CD38: variants seen among roughly 807,000 people sequenced by gnomAD.
CD38 encodes the protein ADP-ribosyl cyclase/cyclic ADP-ribose hydrolase 1.
CD38 carries 31 observed loss-of-function variants against 36.3 expected under a neutral mutation model. The ratio of observed to expected loss-of-function variants is 0.85; its 90% confidence interval spans 0.64 to 1.15. CD38 has a LOEUF of 1.15. Among genes scored for constraint, CD38 ranks in the 50% most tolerant of loss-of-function variants. The pLI, the probability that CD38 is intolerant of heterozygous loss-of-function variation, is 0.00. For synonymous variants in CD38, 131 were observed against 135.2 expected (o/e 0.97, Z 0.22); for missense variants, 380 against 371.9 (o/e 1.02, Z -0.18).
At chr4:15,791,186 C>G (rs1402520730) in intron 1 of CD38, among the ~76,000 whole-genome samples, 1,183 of 80,588 alleles carry the variant, frequency 0.015, no homozygotes, top group African/African-American at 0.022. Flanking sequence ...GGGGGTCAGC[C>G]CCCCGCCCGG....
At chr4:15,830,245 T>A (rs1375556565) in intron 3 of CD38, among the ~76,000 whole-genome samples, 1 of 152,164 alleles carries the variant, frequency 6.6e-6, no homozygotes, top group South Asian at 2.1e-4. Flanking sequence ...CACATCCTCA[T>A]CATTATTTGT....
At chr4:15,831,705 T>C (rs1723962832) in intron 3 of CD38, among the ~76,000 whole-genome samples, 2 of 152,206 alleles carry the variant, frequency 1.3e-5, no homozygotes, top group South Asian at 4.1e-4. Flanking sequence ...TTGCTGCTTT[T>C]AGGATCCTTT....
intron 1 of CD38, among the ~76,000 whole-genome samples, chr4:15,792,426 A>T (rs1723020335): frequency 6.8e-6 from 1 of 146,228 alleles, no homozygotes. Context: ...ATCAATAAAA[A>T]TAAAATAAAA....
chr4:15,778,979 C>T lies in CD38; in HGVS notation c.233+332C>T, dbSNP rs561866897. Among the ~76,000 whole-genome samples, 2 of 152,326 alleles carry T rather than the reference C, an allele frequency of 1.3e-5. No homozygotes were observed. Among genetic ancestry groups the T allele is most frequent in the East Asian group, 1.9e-4 (1 of 5,170 alleles). On this transcript the variant is annotated intron_variant, in intron 1 of 7. Coordinates refer to ENST00000226279, the MANE Select transcript of CD38 (RefSeq NM_001775.4). The surrounding 1 kb of genome is among the most constrained non-coding windows in gnomAD (Gnocchi z 4.9). ...CCCTCGCCGGGCTGCAGCCCACCCT[C>T]GGCGCGCTCAGCCCGCTTCACCGCT... is the stretch of plus-strand genomic sequence containing the variant.
Position 15,834,230 on chromosome 4 carries a change from A to G in CD38, c.513A>G (p.Gln171=), listed in dbSNP as rs373335717. Residue 171 remains glutamine, a synonymous_variant, in exon 4 of 8, where the codon CAA becomes CAG. Coordinates refer to ENST00000226279, the MANE Select transcript of CD38 (RefSeq NM_001775.4). ...TATGTCTTTTAGAAATAAACTATCA[A>G]TCTTGCCCAGACTGGAGAAAGGACT... ...GEFNTSKINY[Q]SCPDWRKDCS... 24 of 1,607,732 alleles carry G rather than the reference A, an allele frequency of 1.5e-5. No individual in the cohort carries two copies. Among genetic ancestry groups the G allele is most frequent in the Non-Finnish European group, 1.8e-5 (21 of 1,174,344 alleles).
At chr4:15,801,924 T>C (rs1291652695) in intron 1 of CD38, among the ~76,000 whole-genome samples, 1 of 152,174 alleles carries the variant, frequency 6.6e-6, no homozygotes, top group African/African-American at 2.4e-5. Flanking sequence ...TGATTCCACA[T>C]AGTACTGGAA....
At chr4:15,790,589 G>A (rs866578725) in intron 1 of CD38, among the ~76,000 whole-genome samples, 3 of 124,756 alleles carry the variant, frequency 2.4e-5, no homozygotes, top group Non-Finnish European at 3.5e-5. Flanking sequence ...GCCTCTGCCC[G>A]GCCGCCACCC....
chr4:15,805,852 A>G (rs1042375422), intron 1 of CD38, among the ~76,000 whole-genome samples: 4 of 152,182 alleles, frequency 2.6e-5, no homozygotes, highest in Admixed American at 2.6e-4. Flanking sequence ...TTTGAGAATT[A>G]ATAGCTGAGT....
Position 15,848,774 on chromosome 4 carries a change from C to A in CD38, c.*172C>A. ...AAAGTCTTAAAATAACTTATATCATCAGCATACCTTTATTGTGATCTATCA... is the reference window on the plus strand; with the variant it reads ...AAAGTCTTAAAATAACTTATATCATAAGCATACCTTTATTGTGATCTATCA... On this transcript the variant is annotated 3_prime_UTR_variant, in exon 8 of 8. Coordinates refer to ENST00000226279, the MANE Select transcript of CD38 (RefSeq NM_001775.4). 1 of 523,712 alleles carries A rather than the reference C, an allele frequency of 1.9e-6. No individual in the cohort carries two copies. Among genetic ancestry groups the A allele is most frequent in the Non-Finnish European group, 3.5e-6 (1 of 288,452 alleles). The allele number at this position is 523,712 out of a possible 1,614,324, so 32.4% of individuals were successfully genotyped here. A position where few individuals can be genotyped will look rare whatever the true frequency, so the allele number is the denominator to read the frequency against.
At position 15,806,823 on chromosome 4, in the gene CD38, G is replaced by A. The variant is rs150992106; in HGVS notation, c.234-9688G>A. ...TGTTGAGCCTCAGGTCACCGTTTGC[G>A]GAGGTGAGCAGAAAACTGCTAACAG... is the stretch of plus-strand genomic sequence containing the variant. On this transcript the variant is annotated intron_variant, in intron 1 of 7. Coordinates refer to ENST00000226279, the MANE Select transcript of CD38 (RefSeq NM_001775.4). Among the ~76,000 whole-genome samples, 450 of 152,270 alleles carry A rather than the reference G, an allele frequency of 3.0e-3. 4 individuals are homozygous for A. Among genetic ancestry groups the A allele is most frequent in the African/African-American group, 9.6e-3 (400 of 41,542 alleles).
chr4:15,819,681 G>A (rs1723689079), intron 2 of CD38, among the ~76,000 whole-genome samples: 1 of 151,958 alleles, frequency 6.6e-6, no homozygotes, highest in South Asian at 2.1e-4. Flanking sequence ...AAATAAGACA[G>A]GCAGACAAGA....
chr4:15,806,240 C>T (rs755439340), intron 1 of CD38, among the ~76,000 whole-genome samples: 21 of 152,168 alleles, frequency 1.4e-4, no homozygotes, highest in Non-Finnish European at 2.5e-4. Context: ...AATAACTGTG[C>T]CCTATTCTGG....
At chr4:15,801,128 G>T (rs879480198) in intron 1 of CD38, among the ~76,000 whole-genome samples, 2 of 151,860 alleles carry the variant, frequency 1.3e-5, no homozygotes, top group African/African-American at 4.8e-5. Flanking sequence ...AAATATAAAG[G>T]ATCGTAAGAG....
At chr4:15,831,040 T>A (rs2148926125) in intron 3 of CD38, among the ~76,000 whole-genome samples, 1 of 152,260 alleles carries the variant, frequency 6.6e-6, no homozygotes, top group East Asian at 1.9e-4. Flanking sequence ...TATATGTTTT[T>A]GAGTTTGAAG....
At position 15,816,537 on chromosome 4, in the gene CD38, A is replaced by G. The variant is rs779496125; in HGVS notation, c.260A>G (p.Asp87Gly). Residue 87 changes from aspartate (D) to glycine (G), a missense_variant, in exon 2 of 8, where the codon GAT becomes GGT. By Grantham distance (94) the Asp-to-Gly change is moderately conservative. Coordinates refer to ENST00000226279, the MANE Select transcript of CD38 (RefSeq NM_001775.4). ...MRHVDCQSVWDAFKGAFISKH... is the reference protein window; with the variant it reads ...MRHVDCQSVWGAFKGAFISKH... ...CATGTAGACTGCCAAAGTGTATGGGATGCTTTCAAGGGTGCATTTATTTCA... is the reference window on the plus strand; with the variant it reads ...CATGTAGACTGCCAAAGTGTATGGGGTGCTTTCAAGGGTGCATTTATTTCA... 6.2e-7 allele frequency: 1 copy of G among 1,613,318 alleles called. No homozygotes were observed. Among genetic ancestry groups the G allele is most frequent in the East Asian group, 2.2e-5 (1 of 44,878 alleles).
Position 15,816,591 on chromosome 4 carries a change from A to T in CD38, c.314A>T (p.Asp105Val). Residue 105 changes from aspartate (D) to valine (V), a missense_variant, in exon 2 of 8, where the codon GAC becomes GTC. Coordinates refer to ENST00000226279, the MANE Select transcript of CD38 (RefSeq NM_001775.4). ...SKHPCNITEE[D>V]YQPLMKLGTQ... ...CATCCTTGCAACATTACTGAAGAAG[A>T]CTATCAGCCACTAATGAAGTTGGGA... 1 of 1,613,912 alleles carries T rather than the reference A, an allele frequency of 6.2e-7. No individual in the cohort carries two copies. The highest frequency in any genetic ancestry group is 8.5e-7 in the Non-Finnish European group (1 of 1,179,804).
At chr4:15,831,515 C>A (rs1373932835) in intron 3 of CD38, among the ~76,000 whole-genome samples, 4 of 152,088 alleles carry the variant, frequency 2.6e-5, no homozygotes, top group Non-Finnish European at 1.5e-5. Flanking sequence ...GTCTGTGTTT[C>A]TCCTTCAAGT....
At chr4:15,834,902 TAA>T (rs765451203) in intron 4 of CD38, among the ~76,000 whole-genome samples, 8,860 of 152,116 alleles carry the variant, frequency 0.058, 337 homozygotes, top group East Asian at 0.17. Context: ...CTATTTTTTT[TAA>T]AAAAATTGAT....
intron 2 of CD38, among the ~76,000 whole-genome samples, chr4:15,820,055 A>C (rs1210855514): frequency 2.6e-5 from 4 of 152,222 alleles, no homozygotes; most frequent in Non-Finnish European, 5.9e-5. Flanking sequence ...ATTCTTAAAG[A>C]AAATAATTTC....
Sources: allele counts gnomAD v4.1 joint callset (sites outside exome capture counted in the v4.1 genomes callset), GRCh38; gene constraint gnomAD v4.1.1; non-coding constraint Gnocchi (gnomAD v3.1); transcripts MANE v1.5; gene names NCBI Gene and HGNC (gene_info 2026-07-23, HGNC 2026-07-21).